Variants in MBLAC2 observed in about 807,000 individuals in gnomAD.
MBLAC2 encodes acyl-coenzyme A thioesterase MBLAC2.
A neutral mutation model predicts 23.3 loss-of-function variants in MBLAC2; 24 were observed. The observed-to-expected ratio is 1.03, with a 90% CI of 0.75 to 1.45. The LOEUF (loss-of-function observed/expected upper bound fraction) is 1.45, where lower values mean the gene tolerates loss of function less well. Among genes scored for constraint, MBLAC2 ranks in the 40% most tolerant of loss-of-function variants. The pLI is 0.00. For missense variants in MBLAC2, 358 were observed against 370.0 expected (o/e 0.97, Z 0.27); for synonymous variants, 162 against 150.9 (o/e 1.07, Z -0.54).
At chr5:90,473,649 G>C (rs1479769789) in intron 1 of MBLAC2, 190 bp downstream of exon 1, 5 of 704,850 alleles carry the variant, frequency 7.1e-6, no homozygotes, top group Non-Finnish European at 1.3e-5. Context: ...GTCTCTGGCA[G>C]GGAAGGCTGT....
At position 90,459,439 on chromosome 5, in the gene MBLAC2, C is replaced by T. The variant is rs1244708233; in HGVS notation, c.*1728G>A. The T allele has an allele frequency of 6.6e-6, 1 of 152,038 alleles. No homozygotes were observed. Among genetic ancestry groups the T allele is most frequent in the Non-Finnish European group, 1.5e-5 (1 of 67,960 alleles). The allele number at this position is 152,038 out of a possible 1,614,324, so 9.4% of individuals were successfully genotyped here. ...CCTGAAAATTAAATTTATATTTTCA[C>T]AAGGAATAGACTATTCTAGACTAGC... On this transcript the variant is annotated 3_prime_UTR_variant, in exon 2 of 2. Coordinates refer to ENST00000316610, the MANE Select transcript of MBLAC2 (RefSeq NM_203406.2).
At position 90,474,580 on chromosome 5, in the gene MBLAC2, C is replaced by A; in HGVS notation, c.-288G>T. 1 of 462,310 alleles carries A rather than the reference C, an allele frequency of 2.2e-6. No homozygotes were observed. The highest frequency in any genetic ancestry group is 4.4e-5 in the East Asian group (1 of 22,866). The allele number at this position is 462,310 out of a possible 1,614,324, so 28.6% of individuals were successfully genotyped here. On this transcript the variant is annotated 5_prime_UTR_variant, in exon 1 of 2. Transcript: ENST00000316610. The stretch of plus-strand genomic sequence containing the variant: ...AGCTACCGCAGCCTCGGCAGCCGCA[C>A]CACGAGAGAGCTTTAACGCAGGGGC...
In MBLAC2 at chr5:90,474,073, G is replaced by C; in HGVS notation, c.220C>G (p.Arg74Gly). Residue 74 changes from arginine (R) to glycine (G), a missense_variant, in exon 1 of 2, where the codon CGC becomes GGC. Coordinates refer to ENST00000316610, the MANE Select transcript of MBLAC2 (RefSeq NM_203406.2). ...QDREAKEDAA[R>G]RPLLAVATHV... ...GTGGCCACGGCAAGCAGTGGCCGGC[G>C]CGCCGCGTCCTCTTTGGCCTCTCGG... 1.3e-6 allele frequency: 2 copies of C among 1,576,254 alleles called. No homozygotes were observed. Among genetic ancestry groups the C allele is most frequent in the East Asian group, 2.3e-5 (1 of 43,250 alleles).
At chr5:90,472,813 C>T (rs1020219813) in intron 1 of MBLAC2, 3 of 152,146 alleles carry the variant, frequency 2.0e-5, no homozygotes, top group Non-Finnish European at 4.4e-5. Context: ...ATGCCTTGAT[C>T]TATTGTGCCT....
chr5:90,465,329 C>T (rs1750430118), intron 1 of MBLAC2, among the ~76,000 whole-genome samples: 1 of 152,122 alleles, frequency 6.6e-6, no homozygotes, highest in South Asian at 2.1e-4. Flanking sequence ...ACTACAAAAA[C>T]ACTGTCAAGA....
rs1041610763 is a variant in MBLAC2, at chr5:90,474,180, G to A, written c.113C>T (p.Ser38Phe). ...TGTATCGATCACCACGTCCTGCTCG[G>A]AGCCGCGCACCAGCCAGATGTTGGC... ...NRANIWLVRGSEQDVVIDTGL... is the reference protein window; with the variant it reads ...NRANIWLVRGFEQDVVIDTGL... Residue 38 changes from serine to phenylalanine, a missense_variant, in exon 1 of 2, where the codon TCC (serine) becomes TTC (phenylalanine). Ser to Phe is a radical substitution (Grantham distance 155). Transcript: ENST00000316610. The A allele has an allele frequency of 1.9e-6, 3 of 1,606,668 alleles. No homozygotes were observed. The highest frequency in any genetic ancestry group is 2.2e-5 in the East Asian group (1 of 44,650).
At chr5:90,466,109 C>A (rs960795211) in intron 1 of MBLAC2, among the ~76,000 whole-genome samples, 5 of 152,076 alleles carry the variant, frequency 3.3e-5, no homozygotes, top group African/African-American at 1.2e-4. Context: ...AGTCTTTTGG[C>A]TAAGATCAAG....
chr5:90,465,918 G>A (rs1750438532), intron 1 of MBLAC2, among the ~76,000 whole-genome samples: 1 of 152,162 alleles, frequency 6.6e-6, no homozygotes, highest in Admixed American at 6.5e-5. Flanking sequence ...GTAATGGCCA[G>A]TAAAAATTCA....
intron 1 of MBLAC2, among the ~76,000 whole-genome samples, chr5:90,462,005 T>TA (rs1247053684): frequency 6.6e-6 from 1 of 152,256 alleles, no homozygotes; most frequent in Non-Finnish European, 1.5e-5. Flanking sequence ...ATGGTACCAG[T>TA]ATCCTGTTGA....
At chr5:90,469,891 A>C (rs1045962561) in intron 1 of MBLAC2, among the ~76,000 whole-genome samples, 1 of 152,234 alleles carries the variant, frequency 6.6e-6, no homozygotes, top group Non-Finnish European at 1.5e-5. Flanking sequence ...ATGTACATCC[A>C]AAAGAAAGGA....
intron 1 of MBLAC2, chr5:90,471,773 T>TA (rs1249309877): frequency 6.6e-6 from 1 of 152,222 alleles, no homozygotes; most frequent in Non-Finnish European, 1.5e-5. Flanking sequence ...AACAGCAAGT[T>TA]AGCAGGCCAC....
chr5:90,474,682 G>A lies in MBLAC2; in HGVS notation c.-390C>T, dbSNP rs1033291998. On this transcript the variant is annotated 5_prime_UTR_variant, in exon 1 of 2. Transcript: ENST00000316610. ...TGTGACAGCAGAGGCCCGCAGTGAG[G>A]GTGGGAAGAGCTAGAACCGCCCACC... The A allele has an allele frequency of 1.9e-5, 5 of 270,132 alleles. No individual in the cohort carries two copies. The highest frequency in any genetic ancestry group is 1.8e-4 in the South Asian group (5 of 27,652). The allele number at this position is 270,132 out of a possible 1,614,324, so 16.7% of individuals were successfully genotyped here.
At position 90,469,248 on chromosome 5, in the gene MBLAC2, G is replaced by A. The variant is rs367657187; in HGVS notation, c.454+4591C>T. Reference sequence around the variant, plus strand: ...TTCAAATTATTGGGATTACAGACATGAGCCACTGTGCCCAGCCACCCTACT... The same window carrying A: ...TTCAAATTATTGGGATTACAGACATAAGCCACTGTGCCCAGCCACCCTACT... On this transcript the variant is annotated intron_variant, in intron 1 of 1. Transcript: ENST00000316610. Among the ~76,000 whole-genome samples, 6 of 152,220 alleles carry A rather than the reference G, an allele frequency of 3.9e-5. No homozygotes were observed. The South Asian group carries it at 8.3e-4, about 21-fold the overall frequency.
At chr5:90,472,232 T>C (rs1009080560) in intron 1 of MBLAC2, among the ~76,000 whole-genome samples, 1 of 152,242 alleles carries the variant, frequency 6.6e-6, no homozygotes, top group African/African-American at 2.4e-5. Flanking sequence ...TATATTTTAA[T>C]ACCAATGTAA....
chr5:90,472,112 TTTC>T (rs1750560211), intron 1 of MBLAC2, among the ~76,000 whole-genome samples: 1 of 152,238 alleles, frequency 6.6e-6, no homozygotes. Flanking sequence ...GCATGGGTTC[TTTC>T]TTCATCTATA....
chr5:90,473,445 A>G (rs1180065290), intron 1 of MBLAC2: 4 of 546,666 alleles, frequency 7.3e-6, no homozygotes, highest in Admixed American at 3.6e-5. Flanking sequence ...GTGAGGGGTC[A>G]TTCCTTAAAA....
intron 1 of MBLAC2, among the ~76,000 whole-genome samples, chr5:90,467,798 G>A (rs985897929): frequency 6.6e-6 from 1 of 151,868 alleles, no homozygotes; most frequent in Non-Finnish European, 1.5e-5. Context: ...TGTTATATAG[G>A]TACTGTGAGG....
chr5:90,461,483 A>G lies in MBLAC2; in HGVS notation c.524T>C (p.Ile175Thr). 1 of 1,614,126 alleles carries G rather than the reference A, an allele frequency of 6.2e-7. No individual in the cohort carries two copies. The highest frequency in any genetic ancestry group is 1.1e-5 in the South Asian group (1 of 91,078). Residue 175 changes from isoleucine (I) to threonine (T), a missense_variant, in exon 2 of 2, where the codon ATT becomes ACT. Transcript: ENST00000316610. ...CTTTCGGTCTTTGTCATGTAAGCAAATACTGCCCCTGGAGTGACCTGGCAT... is the reference window on the plus strand; with the variant it reads ...CTTTCGGTCTTTGTCATGTAAGCAAGTACTGCCCCTGGAGTGACCTGGCAT... The part of the protein sequence containing the change: ...MHMPGHSRGS[I>T]CLHDKDRKIL...
Position 90,461,473 on chromosome 5 carries a change from A to G in MBLAC2, c.534T>C (p.His178=). The change falls in exon 2 of 2, where the codon CAT becomes CAC. Residue 178 remains histidine, a synonymous_variant. Coordinates refer to ENST00000316610, the MANE Select transcript of MBLAC2 (RefSeq NM_203406.2). The part of the protein sequence containing the change: ...PGHSRGSICL[H]DKDRKILFSG... ...TGAAGAGAATCTTTCGGTCTTTGTCATGTAAGCAAATACTGCCCCTGGAGT... is the reference window on the plus strand; with the variant it reads ...TGAAGAGAATCTTTCGGTCTTTGTCGTGTAAGCAAATACTGCCCCTGGAGT... The G allele has an allele frequency of 1.9e-6, 3 of 1,614,158 alleles. No homozygotes were observed. The highest frequency in any genetic ancestry group is 1.1e-5 in the South Asian group (1 of 91,086).
Sources: gnomAD v4.1 joint callset for allele counts (sites outside exome capture counted in the v4.1 genomes callset) on GRCh38, gnomAD v4.1.1 for gene constraint, MANE v1.5 for transcripts, NCBI Gene and HGNC (gene_info 2026-07-23, HGNC 2026-07-21) for gene names.